ALOX12: variants seen among roughly 807,000 people sequenced by gnomAD.
ALOX12 encodes the protein arachidonate 12-lipoxygenase, 12S type.
In ALOX12, 62 loss-of-function variants were observed where a neutral mutation model predicts 85.5. The observed-to-expected ratio is 0.73, with a 90% CI of 0.59 to 0.90. The LOEUF (loss-of-function observed/expected upper bound fraction) is 0.90, where lower values mean the gene tolerates loss of function less well. Among genes scored for constraint, ALOX12 ranks in the 40% least tolerant of loss-of-function variants. The probability of loss-of-function intolerance (pLI) is 0.00; values close to 1 mark genes in which losing one functional copy is unlikely to be tolerated. For missense variants in ALOX12, 751 were observed against 856.5 expected, an observed-to-expected ratio of 0.88 and a Z score of 1.54; for synonymous variants, 299 against 332.7, an observed-to-expected ratio of 0.90 and a Z score of 1.10.
intron 2 of ALOX12, among the ~76,000 whole-genome samples, 187 bp from the exon 3 acceptor site, chr17:6,998,322 G>A (rs1395945226): frequency 6.6e-6 from 1 of 152,190 alleles, no homozygotes. Context: ...AGAGAAAGCA[G>A]GAGTGCAAAG....
Position 6,996,942 on chromosome 17 carries a change from G to A in ALOX12, c.252G>A (p.Gln84=). The A allele has an allele frequency of 6.2e-7, 1 of 1,603,764 alleles. No homozygotes were observed. The highest frequency in any genetic ancestry group is 8.5e-7 in the Non-Finnish European group (1 of 1,175,158). Reference sequence around the variant, plus strand: ...GGTTCTGCGACCGCATCACGGTGCAGGGCCCTGGAGCCTGCGCGGAGGTGG... The same window carrying A: ...GGTTCTGCGACCGCATCACGGTGCAAGGCCCTGGAGCCTGCGCGGAGGTGG... ...DAWFCDRITV[Q]GPGACAEVAF... Residue 84 remains glutamine, a synonymous_variant, in exon 2 of 14, where the codon CAG becomes CAA. Transcript: ENST00000251535.
At position 7,006,470 on chromosome 17, in the gene ALOX12, T is replaced by G. The variant is rs1257804757; in HGVS notation, c.1419-16T>G. ...CGGGGGCTTTCTGCCCTCAAGTGCC[T>G]TTTCCCCCTGGGCAGGTATGTGGAG... On this transcript the variant is annotated splice_polypyrimidine_tract_variant and intron_variant, in intron 10 of 13. Coordinates refer to ENST00000251535, the MANE Select transcript of ALOX12 (RefSeq NM_000697.3). 5 of 1,612,160 alleles carry G rather than the reference T, an allele frequency of 3.1e-6. No homozygotes were observed. Among genetic ancestry groups the G allele is most frequent in the Non-Finnish European group, 3.4e-6 (4 of 1,179,434 alleles).
chr17:7,005,313 A>G lies in ALOX12; in HGVS notation c.1218A>G (p.Gln406=). Residue 406 remains glutamine, a synonymous_variant, in exon 9 of 14, where the codon CAA becomes CAG. Transcript: ENST00000251535. ...TMEINTRART[Q]LISDGGIFDK... is the part of the protein sequence containing the mutation. ...AAATCAACACCCGGGCCCGGACCCA[A>G]CTCATCTCAGATGGAGGAATTTTTG... 5 of 1,613,460 alleles carry G rather than the reference A, an allele frequency of 3.1e-6. No individual in the cohort carries two copies. The highest frequency in any genetic ancestry group is 2.2e-5 in the East Asian group (1 of 44,850).
At chr17:7,001,381 G>A (rs11571360) in intron 7 of ALOX12, 137 of 578,888 alleles carry the variant, frequency 2.4e-4, no homozygotes, top group Non-Finnish European at 3.8e-4. Context: ...ACCACTGTTA[G>A]GGCCTCCTTC....
intron 3 of ALOX12, 36 bp from the exon 4 acceptor site, chr17:6,998,679 T>C: frequency 8.6e-7 from 1 of 1,163,900 alleles, no homozygotes; most frequent in Non-Finnish European, 1.2e-6. Context: ...TCACTGACCA[T>C]GACATCCTTC....
intron 10 of ALOX12, 27 bp downstream of exon 10, chr17:7,006,054 TGGGGCCGGGGGGGGGG>T: frequency 4.1e-4 from 1 of 2,434 alleles, no homozygotes; most frequent in Non-Finnish European, 8.4e-4. Context: ...TGAGAAATGG[TGGGGCCGGGGGGGGGG>T]GGGGCTCTGG....
At chr17:7,002,077 A>G in intron 8 of ALOX12, 1 of 479,872 alleles carries the variant, frequency 2.1e-6, no homozygotes, top group South Asian at 2.3e-5. Context: ...GTAAAACAAA[A>G]GCCATATTCC....
At chr17:6,999,907 G>A (rs1908626620) in intron 6 of ALOX12, among the ~76,000 whole-genome samples, 1 of 152,236 alleles carries the variant, frequency 6.6e-6, no homozygotes, top group Non-Finnish European at 1.5e-5. Context: ...TGCGGTGGCA[G>A]GGGTAGTAGG....
chr17:7,000,293 A>G lies in ALOX12; in HGVS notation c.808-43A>G. On this transcript the variant is annotated intron_variant, in intron 6 of 13. Coordinates refer to ENST00000251535, the MANE Select transcript of ALOX12 (RefSeq NM_000697.3). The surrounding 1 kb of genome is among the most constrained non-coding windows in gnomAD (Gnocchi z 4.6). ...CCCTTTGCCCCGGCCCCCTGGGGGTAGACTTTGAACTCTAAAAATGGATAC... is the reference window on the plus strand; with the variant it reads ...CCCTTTGCCCCGGCCCCCTGGGGGTGGACTTTGAACTCTAAAAATGGATAC... 2 of 1,607,530 alleles carry G rather than the reference A, an allele frequency of 1.2e-6. No individual in the cohort carries two copies. The highest frequency in any genetic ancestry group is 1.3e-5 in the African/African-American group (1 of 74,904).
rs748324713 is a variant in ALOX12, at chr17:7,009,813, G to A, written c.1607G>A (p.Cys536Tyr). ...CHFLTMCVFT[C>Y]TAQHAAINQG... ...TTCCTCACCATGTGCGTCTTCACGT[G>A]CACTGCCCAGCATGCCGCCATCAAC... Residue 536 changes from cysteine to tyrosine, a missense_variant, in exon 12 of 14, where the codon TGC becomes TAC. Coordinates refer to ENST00000251535, the MANE Select transcript of ALOX12 (RefSeq NM_000697.3). 1 of 1,614,176 alleles carries A rather than the reference G, an allele frequency of 6.2e-7. No individual in the cohort carries two copies. The highest frequency in any genetic ancestry group is 1.1e-5 in the South Asian group (1 of 91,084).
At chr17:7,009,150 C>T (rs1909251940) in intron 11 of ALOX12, among the ~76,000 whole-genome samples, 1 of 151,326 alleles carries the variant, frequency 6.6e-6, no homozygotes, top group African/African-American at 2.4e-5. Flanking sequence ...AGCTCTGCCT[C>T]CCGGGTTCAC....
intron 8 of ALOX12, among the ~76,000 whole-genome samples, chr17:7,004,084 TA>T (rs1192543326): frequency 1.4e-5 from 2 of 144,616 alleles, no homozygotes; most frequent in Non-Finnish European, 3.0e-5. Context: ...TTATTAAAAT[TA>T]AAATTTTAAT....
intron 6 of ALOX12, among the ~76,000 whole-genome samples, chr17:6,999,753 T>C (rs1395469614): frequency 6.6e-6 from 1 of 152,130 alleles, no homozygotes; most frequent in African/African-American, 2.4e-5. Flanking sequence ...CCAGTGTTCA[T>C]GGGCAGGGAG....
chr17:6,998,843 A>C lies in ALOX12; in HGVS notation c.542+6A>C. On this transcript the variant is annotated splice_donor_region_variant and intron_variant, in intron 4 of 13. Transcript: ENST00000251535. ...GAATGGACACTGAAGGCAGGGTGAG[A>C]AAAAGGCTAGACCTCGGAGTGAAAT... The C allele has an allele frequency of 6.2e-7, 1 of 1,614,196 alleles. No homozygotes were observed. Among genetic ancestry groups the C allele is most frequent in the Non-Finnish European group, 8.5e-7 (1 of 1,180,018 alleles).
In ALOX12 at chr17:7,001,658, C is replaced by A. The variant is rs143190568; in HGVS notation, c.1008C>A (p.Pro336=). ...CAACACTGTTCCTGCCCTCAGACCC[C>A]CCACTTGCCTGGCTCCTGGCAAAGT... The part of the protein sequence containing the change: ...PTPTLFLPSD[P]PLAWLLAKSW... Residue 336 remains proline, a synonymous_variant, in exon 8 of 14, where the codon CCC becomes CCA. Coordinates refer to ENST00000251535, the MANE Select transcript of ALOX12 (RefSeq NM_000697.3). The A allele has an allele frequency of 6.8e-6, 11 of 1,614,106 alleles. No homozygotes were observed. In the African/African-American group the frequency reaches 1.3e-4, roughly 20 times the overall value.
Position 7,000,505 on chromosome 17 carries a change from A to G in ALOX12, c.951+26A>G. 6.2e-7 allele frequency: 1 copy of G among 1,612,182 alleles called. No homozygotes were observed. The highest frequency in any genetic ancestry group is 8.5e-7 in the Non-Finnish European group (1 of 1,179,536). On this transcript the variant is annotated intron_variant, in intron 7 of 13. Coordinates refer to ENST00000251535, the MANE Select transcript of ALOX12 (RefSeq NM_000697.3). The surrounding 1 kb of genome is among the most constrained non-coding windows in gnomAD (Gnocchi z 4.6). ...GTAAGGGCCCCAGACCTCTCCCACA[A>G]CGTTGCACTCTGTTCACCTCAACCT...
In ALOX12 at chr17:7,005,940, C is replaced by T. The variant is rs1183796135; in HGVS notation, c.1331C>T (p.Pro444Leu). Reference protein sequence around the residue: ...AQLTYCSLCPPDDLADRGLLG... With the variant: ...AQLTYCSLCPLDDLADRGLLG... ...CTGACCTACTGCTCCCTCTGTCCTCCTGACGACCTGGCTGACCGGGGCCTG... is the reference window on the plus strand; with the variant it reads ...CTGACCTACTGCTCCCTCTGTCCTCTTGACGACCTGGCTGACCGGGGCCTG... The change falls in exon 10 of 14, where the codon CCT becomes CTT. Residue 444 changes from proline (P) to leucine (L), a missense_variant. Transcript: ENST00000251535. 1 of 1,613,492 alleles carries T rather than the reference C, an allele frequency of 6.2e-7. No homozygotes were observed. Among genetic ancestry groups the T allele is most frequent in the Non-Finnish European group, 8.5e-7 (1 of 1,179,870 alleles).
At chr17:7,002,900 A>C (rs559682457) in intron 8 of ALOX12, among the ~76,000 whole-genome samples, 6 of 152,172 alleles carry the variant, frequency 3.9e-5, no homozygotes, top group Non-Finnish European at 8.8e-5. Context: ...ATGTATTGGC[A>C]AGATATGCAA....
In ALOX12 at chr17:6,996,988, G is replaced by A; in HGVS notation, c.298G>A (p.Val100Met). The part of the protein sequence containing the change: ...AEVAFPCYRW[V>M]QGEDILSLPE... Reference sequence around the variant, plus strand: ...GGTGGCCTTCCCGTGCTACCGCTGGGTGCAGGGCGAGGACATCCTGAGCCT... The same window carrying A: ...GGTGGCCTTCCCGTGCTACCGCTGGATGCAGGGCGAGGACATCCTGAGCCT... The change falls in exon 2 of 14, where the codon GTG becomes ATG. Residue 100 changes from valine (V) to methionine (M), a missense_variant. Transcript: ENST00000251535. 1 of 1,566,888 alleles carries A rather than the reference G, an allele frequency of 6.4e-7. No homozygotes were observed. The highest frequency in any genetic ancestry group is 8.7e-7 in the Non-Finnish European group (1 of 1,155,620).
Sources: gnomAD v4.1 joint callset for allele counts (sites outside exome capture counted in the v4.1 genomes callset) on GRCh38, gnomAD v4.1.1 for gene constraint, Gnocchi (gnomAD v3.1) non-coding constraint, MANE v1.5 for transcripts, NCBI Gene and HGNC (gene_info 2026-07-23, HGNC 2026-07-21) for gene names.